The following ADGRL2 variants were observed in gnomAD, a reference collection of about 807,000 sequenced individuals.
ADGRL2 encodes the protein adhesion G protein-coupled receptor L2.
In ADGRL2, 44 loss-of-function variants were observed where a neutral mutation model predicts 157.4. The observed-to-expected ratio is 0.28, with a 90% CI of 0.22 to 0.36. The LOEUF (loss-of-function observed/expected upper bound fraction) is 0.36, where lower values mean the gene tolerates loss of function less well. ADGRL2 is among the 10% of genes least tolerant of loss of function. ADGRL2 has a pLI of 1.00. For missense variants in ADGRL2, 1,510 were observed against 1,768.9 expected (o/e 0.85, Z 2.63); for synonymous variants, 585 against 624.7 (o/e 0.94, Z 0.95).
chr1:81,502,926 A>G, intron 2 of ADGRL2: 1 of 1,612,308 alleles, frequency 6.2e-7, no homozygotes, highest in Non-Finnish European at 8.5e-7. Context: ...GCCCTCGAAT[A>G]TCCCCAGCAA....
chr1:81,892,854 G>T (rs149329281), intron 2 of ADGRL2, among the ~76,000 whole-genome samples: 1 of 152,130 alleles, frequency 6.6e-6, no homozygotes, highest in Non-Finnish European at 1.5e-5. Context: ...AACACTAGTA[G>T]TCCAACCCTT....
chr1:81,350,771 A>C (rs1662823169), intron 1 of ADGRL2, among the ~76,000 whole-genome samples: 1 of 152,170 alleles, frequency 6.6e-6, no homozygotes, highest in East Asian at 1.9e-4. Flanking sequence ...TTGTTTACGC[A>C]TGCATTTGGA....
At chr1:81,649,078 C>A (rs913568238) in intron 3 of ADGRL2, among the ~76,000 whole-genome samples, 4 of 152,110 alleles carry the variant, frequency 2.6e-5, no homozygotes, top group African/African-American at 7.2e-5. Context: ...AAACTAAATA[C>A]CCAAAGAAAG....
Position 81,709,925 on chromosome 1 carries a change from T to C in ADGRL2, c.-143+10117T>C, listed in dbSNP as rs575783991. 3.9e-5 allele frequency among the ~76,000 whole-genome samples: 6 copies of C among 152,304 alleles called. No individual in the cohort carries two copies. The South Asian group carries it at 1.2e-3, about 32-fold the overall frequency. On this transcript the variant is annotated intron_variant, in intron 1 of 20. Transcript: ENST00000359929. ...GTTTGGCTATCAGAGAAGGGACTTA[T>C]AGAGAAATAACTGTTTCCCCGTCCC...
chr1:81,666,862 AG>A (rs1437339958), intron 3 of ADGRL2, among the ~76,000 whole-genome samples: 1 of 152,216 alleles, frequency 6.6e-6, no homozygotes, highest in Non-Finnish European at 1.5e-5. Flanking sequence ...AGCTAATGCT[AG>A]GGATTGGATT....
At chr1:81,411,960 T>G (rs2076953440) in intron 1 of ADGRL2, among the ~76,000 whole-genome samples, 4 of 152,094 alleles carry the variant, frequency 2.6e-5, no homozygotes, top group Admixed American at 6.5e-5. Flanking sequence ...CAGATTCTGA[T>G]AGCTCTTAGA....
intron 10 of ADGRL2, 26 bp downstream of exon 10, chr1:81,953,051 C>T (rs1334025028): frequency 1.9e-6 from 3 of 1,601,618 alleles, no homozygotes; most frequent in Non-Finnish European, 2.6e-6. Context: ...TGTCACCCTG[C>T]TTTCTCCCTT....
chr1:81,778,451 C>CA (rs148985936), intron 2 of ADGRL2, among the ~76,000 whole-genome samples: 9,883 of 152,126 alleles, frequency 0.065, 462 homozygotes, highest in African/African-American at 0.12. Context: ...TTCTGATATA[C>CA]TAGCTTTACT....
At chr1:81,701,167 A>G (rs566251015) in intron 1 of ADGRL2, among the ~76,000 whole-genome samples, 1 of 152,326 alleles carries the variant, frequency 6.6e-6, no homozygotes, top group African/African-American at 2.4e-5. Flanking sequence ...TGTCATTTTC[A>G]TCGGTGGCAT....
chr1:81,323,193 T>C (rs1225188876), intron 1 of ADGRL2, among the ~76,000 whole-genome samples: 1 of 152,090 alleles, frequency 6.6e-6, no homozygotes, highest in African/African-American at 2.4e-5. Flanking sequence ...TGGCAAGCAC[T>C]GTGCTTATGT....
chr1:81,848,971 C>G (rs1386206504), intron 2 of ADGRL2, among the ~76,000 whole-genome samples: 1 of 151,916 alleles, frequency 6.6e-6, no homozygotes, highest in African/African-American at 2.4e-5. Flanking sequence ...ATTATCTTTT[C>G]CCTTTTGTTT....
chr1:81,548,822 T>C (rs1349529212), intron 2 of ADGRL2, among the ~76,000 whole-genome samples: 1 of 152,208 alleles, frequency 6.6e-6, no homozygotes, highest in East Asian at 1.9e-4. Flanking sequence ...GTGGACATTC[T>C]GCACTTGGAG....
intron 2 of ADGRL2, among the ~76,000 whole-genome samples, chr1:81,844,519 AT>A (rs965282398): frequency 6.6e-6 from 1 of 152,202 alleles, no homozygotes; most frequent in Non-Finnish European, 1.5e-5. Context: ...TATCTGCCAT[AT>A]TACTAAGGGA....
chr1:81,391,683 A>T (rs1472148874), intron 1 of ADGRL2, among the ~76,000 whole-genome samples: 2 of 149,420 alleles, frequency 1.3e-5, no homozygotes, highest in African/African-American at 2.5e-5. Context: ...TCAGACTAAC[A>T]ACTGACAATT....
At chr1:81,646,618 G>A (rs556367317) in intron 3 of ADGRL2, among the ~76,000 whole-genome samples, 18 of 152,252 alleles carry the variant, frequency 1.2e-4, no homozygotes, top group African/African-American at 2.9e-4. Context: ...AGTGAGGCAC[G>A]GTTGTACATT....
At chr1:81,931,413 G>A (rs1379709770) in intron 3 of ADGRL2, among the ~76,000 whole-genome samples, 2 of 152,068 alleles carry the variant, frequency 1.3e-5, no homozygotes, top group African/African-American at 4.8e-5. Context: ...TAGTAAGAAA[G>A]GTCTTTAAAA....
chr1:81,504,591 C>G (rs935529867), intron 2 of ADGRL2, among the ~76,000 whole-genome samples: 10 of 152,188 alleles, frequency 6.6e-5, no homozygotes, highest in Non-Finnish European at 1.5e-4. Context: ...CCCTCTGGCC[C>G]TTCCCTCAAG....
intron 1 of ADGRL2, among the ~76,000 whole-genome samples, chr1:81,828,484 C>T (rs1050037128): frequency 1.3e-5 from 2 of 151,792 alleles, no homozygotes; most frequent in Non-Finnish European, 2.9e-5. Context: ...TGAAAGTTTT[C>T]TGAATTGAAA....
At position 81,945,868 on chromosome 1, in the gene ADGRL2, TTCTCTC is replaced by T. The variant is rs3838455; in HGVS notation, c.1210+2115_1210+2120del. ...CTCACTGCTGTTTGACCCATATTCATTCTCTCTCTCTCTCTCTCTCTTTGTAATTTA... is the reference window on the plus strand; with the variant it reads ...CTCACTGCTGTTTGACCCATATTCATTCTCTCTCTCTCTCTTTGTAATTTA... On this transcript the variant is annotated intron_variant, in intron 6 of 23. Transcript: ENST00000686636. Among the ~76,000 whole-genome samples the T allele has an allele frequency of 9.8e-4, 148 of 150,336 alleles. 2 individuals are homozygous for T. The South Asian group carries it at 0.018, about 19-fold the overall frequency.
Sources: gnomAD v4.1 joint callset for allele counts (sites outside exome capture counted in the v4.1 genomes callset) on GRCh38, gnomAD v4.1.1 for gene constraint, MANE v1.5 for transcripts, NCBI Gene and HGNC (gene_info 2026-07-23, HGNC 2026-07-21) for gene names.